OR4K2: variants seen among roughly 807,000 people sequenced by gnomAD.
OR4K2 encodes olfactory receptor 4K2.
A neutral mutation model predicts 10.5 loss-of-function variants in OR4K2; 8 were observed. The observed-to-expected ratio is 0.76, with a 90% CI of 0.45 to 1.37. The LOEUF is 1.37. OR4K2 is among the 40% of genes most tolerant of loss of function. The probability of loss-of-function intolerance (pLI) is 0.00; values close to 1 mark genes in which losing one functional copy is unlikely to be tolerated. For synonymous variants in OR4K2, 178 were observed against 133.6 expected (o/e 1.33, Z -2.29); for missense variants, 547 against 379.5 (o/e 1.44, Z -3.67).
In OR4K2 at chr14:19,878,620, T is replaced by C. The variant is rs566624835; in HGVS notation, c.*1408T>C. ...GTGTTTTATTTCTTCATTAATGTACTAAGCAAATAAGGAAAAAACTTACAG... is the reference window on the plus strand; with the variant it reads ...GTGTTTTATTTCTTCATTAATGTACCAAGCAAATAAGGAAAAAACTTACAG... On this transcript the variant is annotated 3_prime_UTR_variant, in exon 2 of 2. Transcript: ENST00000641885. The C allele has an allele frequency of 9.8e-5, 15 of 152,322 alleles. No individual in the cohort carries two copies. The South Asian group carries it at 2.9e-3, about 29-fold the overall frequency. 9.4% of individuals were successfully genotyped at this position (152,322 alleles called of 1,614,324 possible).
Position 19,877,077 on chromosome 14 carries a change from T to A in OR4K2, c.810T>A (p.Ile270=). Residue 270 remains isoleucine (I), a synonymous_variant, in exon 2 of 2, where the codon ATT becomes ATA. Coordinates refer to ENST00000641885, the MANE Select transcript of OR4K2 (RefSeq NM_001005501.2). The part of the protein sequence containing the change: ...WPLSSFLTDK[I]LSVFYTIFTP... ...TAAGCAGCTTTCTCACAGACAAGAT[T>A]CTGTCTGTGTTTTATACCATCTTTA... 2 of 1,610,832 alleles carry A rather than the reference T, an allele frequency of 1.2e-6. No individual in the cohort carries two copies. The highest frequency in any genetic ancestry group is 2.2e-5 in the South Asian group (2 of 91,078).
In OR4K2 at chr14:19,882,050, G is replaced by C. The variant is rs1040615348; in HGVS notation, c.*4838G>C. The C allele has an allele frequency of 2.0e-5, 3 of 152,258 alleles. No individual in the cohort carries two copies. The highest frequency in any genetic ancestry group is 7.2e-5 in the African/African-American group (3 of 41,452). 9.4% of individuals were successfully genotyped at this position (152,258 alleles called of 1,614,324 possible). On this transcript the variant is annotated 3_prime_UTR_variant, in exon 2 of 2. Coordinates refer to ENST00000641885, the MANE Select transcript of OR4K2 (RefSeq NM_001005501.2). Reference sequence around the variant, plus strand: ...ACATGCATTGGAGGCTGCAACTGGAGCTATTGTGTTCCAGAGCACATTACC... The same window carrying C: ...ACATGCATTGGAGGCTGCAACTGGACCTATTGTGTTCCAGAGCACATTACC...
rs1233344982 is a variant in OR4K2, at chr14:19,880,855, A to G, written c.*3643A>G. The G allele has an allele frequency of 6.6e-6, 1 of 152,250 alleles. No individual in the cohort carries two copies. The highest frequency in any genetic ancestry group is 1.9e-4 in the East Asian group (1 of 5,204). 9.4% of individuals were successfully genotyped at this position (152,250 alleles called of 1,614,324 possible). ...AAGGTGAAGAGATAGGCAGATGGAT[A>G]GATTAGTAGATAGATGAAGTTTTGT... On this transcript the variant is annotated 3_prime_UTR_variant, in exon 2 of 2. Transcript: ENST00000641885.
In OR4K2 at chr14:19,876,973, G is replaced by C; in HGVS notation, c.706G>C (p.Ala236Pro). ...TCATTCTTCCAGAGGATCATCTAAG[G>C]CCCTTTCTACTTGTACAGCTCATTT... Reference protein sequence around the residue: ...KHHSSRGSSKALSTCTAHFIV... With the variant: ...KHHSSRGSSKPLSTCTAHFIV... Residue 236 changes from alanine to proline, a missense_variant, in exon 2 of 2, where the codon GCC becomes CCC. Transcript: ENST00000641885. 1.2e-6 allele frequency: 2 copies of C among 1,613,968 alleles called. No individual in the cohort carries two copies. Among genetic ancestry groups the C allele is most frequent in the South Asian group, 1.1e-5 (1 of 91,082 alleles).
rs1337743655 is a variant in OR4K2, at chr14:19,879,867, A to T, written c.*2655A>T. 1 of 152,324 alleles carries T rather than the reference A, an allele frequency of 6.6e-6. No homozygotes were observed. The highest frequency in any genetic ancestry group is 1.5e-5 in the Non-Finnish European group (1 of 68,092). The allele number at this position is 152,324 out of a possible 1,614,324, so 9.4% of individuals were successfully genotyped here. On this transcript the variant is annotated 3_prime_UTR_variant, in exon 2 of 2. Coordinates refer to ENST00000641885, the MANE Select transcript of OR4K2 (RefSeq NM_001005501.2). ...TTGCATGGATTTCCTCGAAGGCCCT[A>T]GAATGGAAACTAACAACCTTTTATT...
In OR4K2 at chr14:19,875,851, T is replaced by C. The variant is rs1880880403; in HGVS notation, c.-307T>C. On this transcript the variant is annotated 5_prime_UTR_variant, in exon 1 of 2. Coordinates refer to ENST00000641885, the MANE Select transcript of OR4K2 (RefSeq NM_001005501.2). The stretch of plus-strand genomic sequence containing the variant: ...CAGTAAGGATATCTTTATGGACAAA[T>C]TCCAAATGACTAAACATGTATGTGT... 1 of 169,288 alleles carries C rather than the reference T, an allele frequency of 5.9e-6. No individual in the cohort carries two copies. The highest frequency in any genetic ancestry group is 1.3e-5 in the Non-Finnish European group (1 of 79,558). The allele number at this position is 169,288 out of a possible 1,614,324, so 10.5% of individuals were successfully genotyped here.
Position 19,880,105 on chromosome 14 carries a change from T to C in OR4K2, c.*2893T>C, listed in dbSNP as rs932541793. On this transcript the variant is annotated 3_prime_UTR_variant, in exon 2 of 2. Transcript: ENST00000641885. The stretch of plus-strand genomic sequence containing the variant: ...ATCAGCTATCTTTAGTATCAGTGTA[T>C]TTTATGTGTGGCCCAACACAATTCT... 6 of 153,036 alleles carry C rather than the reference T, an allele frequency of 3.9e-5. No individual in the cohort carries two copies. Among genetic ancestry groups the C allele is most frequent in the African/African-American group, 1.4e-4 (6 of 41,466 alleles). The allele number at this position is 153,036 out of a possible 1,614,324, so 9.5% of individuals were successfully genotyped here.
rs769377682 is a variant in OR4K2 at position 19,876,600 on chromosome 14, GATCATCTT to G, written c.335_342del (p.Ile112ThrfsTer7). The stretch of plus-strand genomic sequence containing the variant: ...TTCTCCACCTTTTCACTGGAACTGA[GATCATCTT>G]ACTCATGGCCATGTCCTTTGATAGG... On this transcript the variant is annotated frameshift_variant, in exon 2 of 2. Transcript: ENST00000641885. LOFTEE classifies it high-confidence loss of function. 7 of 1,614,192 alleles carry G rather than the reference GATCATCTT, an allele frequency of 4.3e-6. No individual in the cohort carries two copies. Among genetic ancestry groups the G allele is most frequent in the Non-Finnish European group, 5.9e-6 (7 of 1,180,014 alleles).
In OR4K2 at chr14:19,881,030, T is replaced by TA. The variant is rs1881023326; in HGVS notation, c.*3818_*3819insA. Reference sequence around the variant, plus strand: ...ACTCCTTATGAAAGTATTTTCAAATTTAAAAAACTACCAGTGAATCTATTC... The same window carrying TA: ...ACTCCTTATGAAAGTATTTTCAAATTATAAAAAACTACCAGTGAATCTATTC... On this transcript the variant is annotated 3_prime_UTR_variant, in exon 2 of 2. Transcript: ENST00000641885. The TA allele has an allele frequency of 1.4e-4, 10 of 69,394 alleles. No homozygotes were observed. In the South Asian group the frequency reaches 4.2e-3, roughly 29 times the overall value. The allele number at this position is 69,394 out of a possible 1,614,324, so 4.3% of individuals were successfully genotyped here.
In OR4K2 at chr14:19,877,717, T is replaced by C. The variant is rs1367152988; in HGVS notation, c.*505T>C. The C allele has an allele frequency of 6.5e-6, 1 of 153,396 alleles. No homozygotes were observed. The highest frequency in any genetic ancestry group is 1.5e-5 in the Non-Finnish European group (1 of 68,900). The allele number at this position is 153,396 out of a possible 1,614,324, so 9.5% of individuals were successfully genotyped here. A position where few individuals can be genotyped will look rare whatever the true frequency, so the allele number is the denominator to read the frequency against. The stretch of plus-strand genomic sequence containing the variant: ...ACATTTAAACCAATTTGTGATCTCT[T>C]CTATTAAAGAAAACTCTAGATATAT... On this transcript the variant is annotated 3_prime_UTR_variant, in exon 2 of 2. Transcript: ENST00000641885.
rs765250674 is a variant in OR4K2 at position 19,876,685 on chromosome 14, G to C, written c.418G>C (p.Val140Leu). The change falls in exon 2 of 2, where the codon GTG becomes CTG. Residue 140 changes from valine (V) to leucine (L), a missense_variant. By Grantham distance (32) the Val-to-Leu change is conservative. Coordinates refer to ENST00000641885, the MANE Select transcript of OR4K2 (RefSeq NM_001005501.2). Reference sequence around the variant, plus strand: ...CTATGCTTCTGTCATTAGTCCCCAGGTGTGTGTTGCTCTCGTGGTGGCTTC... The same window carrying C: ...CTATGCTTCTGTCATTAGTCCCCAGCTGTGTGTTGCTCTCGTGGTGGCTTC... The part of the protein sequence containing the change: ...LHYASVISPQ[V>L]CVALVVASWI... The C allele has an allele frequency of 1.9e-6, 3 of 1,614,134 alleles. No individual in the cohort carries two copies. In the South Asian group the frequency reaches 3.3e-5, roughly 18 times the overall value.
rs1881068163 is a variant in OR4K2 at position 19,882,778 on chromosome 14, C to G, written c.*5566C>G. Reference sequence around the variant, plus strand: ...TCTTGTAGCCTACAAGTCTCACTATCACTATCTCTTCAATTTCTGTATAAT... The same window carrying G: ...TCTTGTAGCCTACAAGTCTCACTATGACTATCTCTTCAATTTCTGTATAAT... On this transcript the variant is annotated 3_prime_UTR_variant, in exon 2 of 2. Transcript: ENST00000641885. 6.6e-6 allele frequency: 1 copy of G among 152,596 alleles called. No individual in the cohort carries two copies. The highest frequency in any genetic ancestry group is 1.5e-5 in the Non-Finnish European group (1 of 68,520). The allele number at this position is 152,596 out of a possible 1,614,324, so 9.5% of individuals were successfully genotyped here. A position where few individuals can be genotyped will look rare whatever the true frequency, so the allele number is the denominator to read the frequency against.
Position 19,876,469 on chromosome 14 carries a change from A to G in OR4K2, c.202A>G (p.Ile68Val), listed in dbSNP as rs1880901988. ...PMYFLLTNLS[I>V]IDMSLASFAT... ...GTATTTCCTGCTTACCAATCTTTCA[A>G]TCATTGATATGTCTCTTGCTTCTTT... The change falls in exon 2 of 2, where the codon ATC (isoleucine) becomes GTC (valine). Residue 68 changes from isoleucine (I) to valine (V), a missense_variant. Transcript: ENST00000641885. The G allele has an allele frequency of 1.2e-6, 2 of 1,614,098 alleles. No homozygotes were observed. The highest frequency in any genetic ancestry group is 2.2e-5 in the East Asian group (1 of 44,888).
Position 19,877,258 on chromosome 14 carries a change from C to A in OR4K2, c.*46C>A. 7.5e-7 allele frequency: 1 copy of A among 1,333,888 alleles called. No homozygotes were observed. The highest frequency in any genetic ancestry group is 1.3e-5 in the South Asian group (1 of 74,484). The allele number at this position is 1,333,888 out of a possible 1,614,324, so 82.6% of individuals were successfully genotyped here. A position where few individuals can be genotyped will look rare whatever the true frequency, so the allele number is the denominator to read the frequency against. Reference sequence around the variant, plus strand: ...AGACACAATGCTGTGTTAGGCTTTTCTTTCTAGAGGGTTCTTACCAAATTG... The same window carrying A: ...AGACACAATGCTGTGTTAGGCTTTTATTTCTAGAGGGTTCTTACCAAATTG... On this transcript the variant is annotated 3_prime_UTR_variant, in exon 2 of 2. Transcript: ENST00000641885.
rs555289903 is a variant in OR4K2 at position 19,882,756 on chromosome 14, T to C, written c.*5544T>C. On this transcript the variant is annotated 3_prime_UTR_variant, in exon 2 of 2. Transcript: ENST00000641885. ...CCTCACCAACTTTGTTTCCTTTTCT[T>C]GTAGCCTACAAGTCTCACTATCACT... is the stretch of plus-strand genomic sequence containing the variant. 1 of 152,480 alleles carries C rather than the reference T, an allele frequency of 6.6e-6. No individual in the cohort carries two copies. The highest frequency in any genetic ancestry group is 6.5e-5 in the Admixed American group (1 of 15,306). The allele number at this position is 152,480 out of a possible 1,614,324, so 9.4% of individuals were successfully genotyped here.
rs1356616424 is a variant in OR4K2, at chr14:19,879,585, C to CT, written c.*2374dup. 4 of 152,222 alleles carry CT rather than the reference C, an allele frequency of 2.6e-5. No homozygotes were observed. 9.4% of individuals were successfully genotyped at this position (152,222 alleles called of 1,614,324 possible). On this transcript the variant is annotated 3_prime_UTR_variant, in exon 2 of 2. Transcript: ENST00000641885. ...TGTGTTGACAAGCAACTTCATCTTC[C>CT]TCTACGTGTTTAGGAAGCTGTGAAG... is the stretch of plus-strand genomic sequence containing the variant.
rs533178021 is a variant in OR4K2, at chr14:19,880,723, C to G, written c.*3511C>G. ...ATCAAGTTGTTGCTTAATCATTATGCTATTGCTTCTTTACAATGAATAAAT... is the reference window on the plus strand; with the variant it reads ...ATCAAGTTGTTGCTTAATCATTATGGTATTGCTTCTTTACAATGAATAAAT... On this transcript the variant is annotated 3_prime_UTR_variant, in exon 2 of 2. Coordinates refer to ENST00000641885, the MANE Select transcript of OR4K2 (RefSeq NM_001005501.2). 2 of 152,214 alleles carry G rather than the reference C, an allele frequency of 1.3e-5. No homozygotes were observed. The highest frequency in any genetic ancestry group is 1.3e-4 in the Admixed American group (2 of 15,278). 9.4% of individuals were successfully genotyped at this position (152,214 alleles called of 1,614,324 possible).
Position 19,878,783 on chromosome 14 carries a change from C to G in OR4K2, c.*1571C>G, listed in dbSNP as rs572205782. 6.6e-6 allele frequency: 1 copy of G among 152,222 alleles called. No homozygotes were observed. Among genetic ancestry groups the G allele is most frequent in the Non-Finnish European group, 1.5e-5 (1 of 68,020 alleles). The allele number at this position is 152,222 out of a possible 1,614,324, so 9.4% of individuals were successfully genotyped here. A position where few individuals can be genotyped will look rare whatever the true frequency, so the allele number is the denominator to read the frequency against. On this transcript the variant is annotated 3_prime_UTR_variant, in exon 2 of 2. Coordinates refer to ENST00000641885, the MANE Select transcript of OR4K2 (RefSeq NM_001005501.2). ...CATAATTCTATTTTAAATAGGGATA[C>G]AAATAGGCCAATTTAGGTTTTGAGT... is the stretch of plus-strand genomic sequence containing the variant.
chr14:19,875,853 C>G lies in OR4K2; in HGVS notation c.-305C>G, dbSNP rs1880880462. The G allele has an allele frequency of 5.9e-6, 1 of 168,604 alleles. No individual in the cohort carries two copies. Among genetic ancestry groups the G allele is most frequent in the South Asian group, 1.7e-4 (1 of 5,980 alleles). 10.4% of individuals were successfully genotyped at this position (168,604 alleles called of 1,614,324 possible). On this transcript the variant is annotated 5_prime_UTR_variant, in exon 1 of 2. Transcript: ENST00000641885. ...GTAAGGATATCTTTATGGACAAATT[C>G]CAAATGACTAAACATGTATGTGTAT...
Sources: gnomAD v4.1 joint callset for allele counts on GRCh38, gnomAD v4.1.1 for gene constraint, MANE v1.5 for transcripts, NCBI Gene and HGNC (gene_info 2026-07-23, HGNC 2026-07-21) for gene names.